DCC: variants seen among roughly 807,000 people sequenced by gnomAD.
The protein encoded by DCC is netrin receptor DCC.
A neutral mutation model predicts 172.5 loss-of-function variants in DCC; 58 were observed. The ratio of observed to expected loss-of-function variants is 0.34; its 90% CI spans 0.27 to 0.42. The LOEUF is 0.42. DCC is among the 10% of genes least tolerant of loss of function. The pLI is 1.00. For synonymous variants in DCC, 709 were observed against 644.5 expected, an observed-to-expected ratio of 1.10 and a Z score of -1.52; for missense variants, 1,740 against 1,791.0, an observed-to-expected ratio of 0.97 and a Z score of 0.51.
intron 1 of DCC, among the ~76,000 whole-genome samples, chr18:52,700,694 A>G (rs2145035066): frequency 6.6e-6 from 1 of 152,306 alleles, no homozygotes; most frequent in African/African-American, 2.4e-5. Context: ...AATCTCTTAC[A>G]TGAGATTACT....
rs944052529 is a variant in DCC, at chr18:53,531,801, T to A, written c.*1148T>A. ...GCAAGCATTGGCCACCAGACCCTTT[T>A]GTTAAGGGAAACTTTTACACTACAC... On this transcript the variant is annotated 3_prime_UTR_variant, in exon 29 of 29. Coordinates refer to ENST00000442544, the MANE Select transcript of DCC (RefSeq NM_005215.4). The A allele has an allele frequency of 3.9e-5, 6 of 152,216 alleles. No homozygotes were observed. Among genetic ancestry groups the A allele is most frequent in the Non-Finnish European group, 8.8e-5 (6 of 68,038 alleles). 9.4% of individuals were successfully genotyped at this position (152,216 alleles called of 1,614,324 possible).
chr18:53,170,175 A>C (rs1003617025), intron 8 of DCC, among the ~76,000 whole-genome samples: 9 of 152,264 alleles, frequency 5.9e-5, no homozygotes, highest in Admixed American at 2.6e-4. Flanking sequence ...AACACAGGGA[A>C]GCCACGCAGC....
In DCC at chr18:53,532,414, T is replaced by C. The variant is rs954087361; in HGVS notation, c.*1761T>C. 3.9e-5 allele frequency: 6 copies of C among 152,224 alleles called. No homozygotes were observed. Among genetic ancestry groups the C allele is most frequent in the African/African-American group, 1.4e-4 (6 of 41,466 alleles). The allele number at this position is 152,224 out of a possible 1,614,324, so 9.4% of individuals were successfully genotyped here. A position where few individuals can be genotyped will look rare whatever the true frequency, so the allele number is the denominator to read the frequency against. On this transcript the variant is annotated 3_prime_UTR_variant, in exon 29 of 29. Coordinates refer to ENST00000442544, the MANE Select transcript of DCC (RefSeq NM_005215.4). ...AAAGTCCGGTCCATTTGCGAATTTG[T>C]TCCTTCAACAAGAGTGCTCATTCAA...
At chr18:52,893,943 A>C (rs930373516) in intron 2 of DCC, among the ~76,000 whole-genome samples, 1 of 152,170 alleles carries the variant, frequency 6.6e-6, no homozygotes, top group African/African-American at 2.4e-5. Context: ...ATGAAGGAGA[A>C]AAAACATAAG....
chr18:52,402,192 T>C (rs1986465812), intron 1 of DCC, among the ~76,000 whole-genome samples: 1 of 151,976 alleles, frequency 6.6e-6, no homozygotes. Context: ...CCGATATTAA[T>C]GGTATATATG....
At chr18:52,644,151 T>A (rs902720445) in intron 1 of DCC, among the ~76,000 whole-genome samples, 1 of 152,178 alleles carries the variant, frequency 6.6e-6, no homozygotes, top group Non-Finnish European at 1.5e-5. Flanking sequence ...GGCTGTGGTA[T>A]GGGGAAAATG....
rs2229082 is a variant in DCC, at chr18:53,410,624, T to C, written c.3108T>C (p.Pro1036=). 0.5 allele frequency: 799,719 copies of C among 1,593,382 alleles called. 210,157 individuals are homozygous for C. Among genetic ancestry groups the C allele is most frequent in the Non-Finnish European group, 0.54 (632,302 of 1,161,008 alleles). The change falls in exon 20 of 29, where the codon CCT becomes CCC. Residue 1036 remains proline, a synonymous_variant. Coordinates refer to ENST00000442544, the MANE Select transcript of DCC (RefSeq NM_005215.4). ...AAGGAGTGGGGCCACTCTCTGATCC[T>C]ATCCTCTTCAGGACTCTGAAAGGTT... ...NSKGVGPLSD[P]ILFRTLKVEH... is the part of the protein sequence containing the mutation.
intron 1 of DCC, among the ~76,000 whole-genome samples, chr18:52,619,844 T>C (rs2034448473): frequency 6.6e-6 from 1 of 152,152 alleles, no homozygotes; most frequent in Admixed American, 6.5e-5. Flanking sequence ...AGTCACCCTC[T>C]CTCTGATAAA....
At chr18:53,240,639 T>G (rs912016754) in intron 12 of DCC, among the ~76,000 whole-genome samples, 1 of 152,218 alleles carries the variant, frequency 6.6e-6, no homozygotes. Flanking sequence ...GTTTCCCTTA[T>G]CTGTAAAATG....
At chr18:52,521,847 A>G (rs2031829275) in intron 1 of DCC, among the ~76,000 whole-genome samples, 1 of 152,198 alleles carries the variant, frequency 6.6e-6, no homozygotes, top group South Asian at 2.1e-4. Context: ...TCTATCCCTC[A>G]TCCTACTACT....
At chr18:52,781,434 T>C (rs1448165350) in intron 2 of DCC, among the ~76,000 whole-genome samples, 2 of 152,138 alleles carry the variant, frequency 1.3e-5, no homozygotes, top group Non-Finnish European at 2.9e-5. Context: ...CAAGTCATCA[T>C]AGACAGTTGA....
chr18:52,786,127 C>T (rs1156820299), intron 2 of DCC, among the ~76,000 whole-genome samples: 2 of 152,012 alleles, frequency 1.3e-5, no homozygotes, highest in East Asian at 3.9e-4. Context: ...TCTTACTTGT[C>T]AAGATACAGA....
At chr18:53,256,647 A>G (rs2144670796) in intron 12 of DCC, among the ~76,000 whole-genome samples, 1 of 152,262 alleles carries the variant, frequency 6.6e-6, no homozygotes, top group South Asian at 2.1e-4. Flanking sequence ...AGGTAGCATG[A>G]TGCCTCCAGC....
intron 1 of DCC, among the ~76,000 whole-genome samples, chr18:52,420,172 G>C (rs542092030): frequency 1.3e-5 from 2 of 152,298 alleles, no homozygotes; most frequent in Admixed American, 6.5e-5. Context: ...ACCAAGATGG[G>C]GATGTTGCAT....
chr18:52,369,824 A>G (rs1985039872), intron 1 of DCC, among the ~76,000 whole-genome samples: 1 of 152,060 alleles, frequency 6.6e-6, no homozygotes, highest in South Asian at 2.1e-4. Context: ...TGAATGTAAA[A>G]AGTTTCTGTG....
At position 52,507,894 on chromosome 18, in the gene DCC, A is replaced by G. The variant is rs528203657; in HGVS notation, c.91+167016A>G. On this transcript the variant is annotated intron_variant, in intron 1 of 28. Transcript: ENST00000442544. The stretch of plus-strand genomic sequence containing the variant: ...GGCAGGTGGATCACCTGAGGTCAGG[A>G]GTTCAAGACCAGCCTGACCAATATG... Among the ~76,000 whole-genome samples, 18 of 152,220 alleles carry G rather than the reference A, an allele frequency of 1.2e-4. 1 individual carries two copies. In the South Asian group the frequency reaches 3.7e-3, roughly 32 times the overall value.
intron 1 of DCC, among the ~76,000 whole-genome samples, chr18:52,373,063 G>C (rs1284620980): frequency 6.6e-6 from 1 of 152,270 alleles, no homozygotes; most frequent in Admixed American, 6.5e-5. Context: ...GGCAGTGAAG[G>C]TTTGTTTTTC....
intron 12 of DCC, among the ~76,000 whole-genome samples, chr18:53,261,972 C>T (rs183823176): frequency 6.6e-6 from 1 of 152,154 alleles, no homozygotes; most frequent in Non-Finnish European, 1.5e-5. Flanking sequence ...ATGTCTGTGT[C>T]TCAGGCTGTG....
At chr18:52,596,434 C>T (rs575927551) in intron 1 of DCC, among the ~76,000 whole-genome samples, 32 of 152,142 alleles carry the variant, frequency 2.1e-4, no homozygotes, top group South Asian at 4.1e-4. Context: ...ATTCTCAAAG[C>T]GTGATCACTG....
Sources: gnomAD v4.1 joint callset for allele counts (sites outside exome capture counted in the v4.1 genomes callset) on GRCh38, gnomAD v4.1.1 for gene constraint, MANE v1.5 for transcripts, NCBI Gene and HGNC (gene_info 2026-07-23, HGNC 2026-07-21) for gene names.